CPNE2: variants seen among roughly 807,000 people sequenced by gnomAD.
CPNE2 encodes the protein copine 2.
CPNE2 carries 42 observed loss-of-function variants against 69.7 expected under a neutral mutation model. The ratio of observed to expected loss-of-function variants is 0.60; its 90% CI spans 0.47 to 0.78. CPNE2 has a LOEUF of 0.78. Ranked by LOEUF, CPNE2 falls within the 30% of genes least tolerant of loss-of-function variation. The pLI is 0.00. For synonymous variants in CPNE2, 294 were observed against 289.8 expected, an observed-to-expected ratio of 1.01 and a Z score of -0.15; for missense variants, 587 against 732.0, an observed-to-expected ratio of 0.80 and a Z score of 2.29.
At chr16:57,135,232 C>T (rs768598363) in intron 13 of CPNE2, among the ~76,000 whole-genome samples, 4 of 152,080 alleles carry the variant, frequency 2.6e-5, no homozygotes, top group African/African-American at 9.7e-5. Context: ...CCCACCCGCC[C>T]CCTTGCTGGG....
At chr16:57,110,105 G>A (rs937183578) in intron 1 of CPNE2, among the ~76,000 whole-genome samples, 20 of 152,158 alleles carry the variant, frequency 1.3e-4, no homozygotes, top group Admixed American at 2.0e-4. Context: ...CTCATGTGAC[G>A]GAGCAACACA....
intron 10 of CPNE2, 135 bp from the exon 11 acceptor site, chr16:57,125,725 A>T: frequency 9.2e-7 from 1 of 1,091,188 alleles, no homozygotes; most frequent in Non-Finnish European, 1.3e-6. Context: ...TCTAGGTTTC[A>T]GACCATCTTA....
At position 57,115,476 on chromosome 16, in the gene CPNE2, A is replaced by G. The variant is rs2069712259; in HGVS notation, c.361A>G (p.Ile121Val). 1 of 1,610,872 alleles carries G rather than the reference A, an allele frequency of 6.2e-7. No homozygotes were observed. Among genetic ancestry groups the G allele is most frequent in the Admixed American group, 1.7e-5 (1 of 59,688 alleles). The change falls in exon 4 of 16, where the codon ATC becomes GTC. Residue 121 changes from isoleucine to valine, a missense_variant and splice_region_variant. This residue lies in a region of CPNE2 where 34 missense variants were observed against 67.1 expected (regional missense o/e 0.51). Transcript: ENST00000290776. ...LGQFSCSLGT[I>V]VSSKKITRPL... ...GCGCCCTTTCTCCTCTCTCCCCTAG[A>G]TCGTCTCCAGCAAGAAGATCACTAG...
chr16:57,146,145 C>G lies in CPNE2; in HGVS notation c.1363C>G (p.His455Asp), dbSNP rs760658821. The G allele has an allele frequency of 2.6e-5, 41 of 1,594,166 alleles. No individual in the cohort carries two copies. The highest frequency in any genetic ancestry group is 1.6e-4 in the Middle Eastern group (1 of 6,064). Reference sequence around the variant, plus strand: ...CATCAGTGACATGGAGGAGACACGGCATGCCGTGGTGCAGGCTTCCAAGCT... The same window carrying G: ...CATCAGTGACATGGAGGAGACACGGGATGCCGTGGTGCAGGCTTCCAAGCT... ...GVISDMEETRHAVVQASKLPM... is the reference protein window; with the variant it reads ...GVISDMEETRDAVVQASKLPM... The change falls in exon 15 of 16, where the codon CAT (histidine) becomes GAT (aspartate). Residue 455 changes from histidine (H) to aspartate (D), a missense_variant. By Grantham distance (81) the His-to-Asp change is moderately conservative. Coordinates refer to ENST00000290776, the MANE Select transcript of CPNE2 (RefSeq NM_152727.6). The surrounding 1 kb of genome is among the most constrained non-coding windows in gnomAD (Gnocchi z 4.4).
intron 14 of CPNE2, among the ~76,000 whole-genome samples, chr16:57,140,572 A>G (rs1339535506): frequency 6.9e-6 from 1 of 145,166 alleles, no homozygotes; most frequent in South Asian, 2.2e-4. Flanking sequence ...TGGGAGGGAT[A>G]TTTTTTTTTT....
In CPNE2 at chr16:57,123,418, A is replaced by G; in HGVS notation, c.872A>G (p.Asn291Ser). The G allele has an allele frequency of 6.2e-7, 1 of 1,612,898 alleles. No homozygotes were observed. The highest frequency in any genetic ancestry group is 8.5e-7 in the Non-Finnish European group (1 of 1,180,002). The stretch of plus-strand genomic sequence containing the variant: ...GACTCATCCGCTTTCTTCCAGATAA[A>G]CCGAGACTACTCCTTCCTTGACTAC... The part of the protein sequence containing the change: ...GIIILRSCKI[N>S]RDYSFLDYIL... Residue 291 changes from asparagine to serine, a missense_variant, in exon 10 of 16, where the codon AAC becomes AGC. Physicochemically the swap from Asn to Ser is conservative, Grantham distance 46. Transcript: ENST00000290776.
chr16:57,126,235 A>G (rs1319372847), intron 11 of CPNE2, among the ~76,000 whole-genome samples: 1 of 152,240 alleles, frequency 6.6e-6, no homozygotes, highest in Non-Finnish European at 1.5e-5. Context: ...CCAAGTAGCC[A>G]GTAAGAAAAT....
chr16:57,135,089 G>T (rs775538214), intron 13 of CPNE2, among the ~76,000 whole-genome samples: 11 of 152,158 alleles, frequency 7.2e-5, no homozygotes, highest in Non-Finnish European at 1.5e-4. Flanking sequence ...CCTGCTCCAG[G>T]ATAACTATGA....
At chr16:57,122,135 C>T (rs2069767573) in intron 9 of CPNE2, among the ~76,000 whole-genome samples, 2 of 152,258 alleles carry the variant, frequency 1.3e-5, no homozygotes, top group African/African-American at 4.8e-5. Context: ...TCTCTGGCAT[C>T]AGCGTCACTG....
intron 4 of CPNE2, among the ~76,000 whole-genome samples, chr16:57,116,800 G>A (rs1207556018): frequency 6.6e-6 from 1 of 152,198 alleles, no homozygotes; most frequent in African/African-American, 2.4e-5. Flanking sequence ...TGGGTCCAGA[G>A]GGCCAGATGC....
At chr16:57,095,937 C>T (rs1409743431) in intron 1 of CPNE2, among the ~76,000 whole-genome samples, 1 of 152,236 alleles carries the variant, frequency 6.6e-6, no homozygotes, top group Non-Finnish European at 1.5e-5. Context: ...ACCAGCTTAT[C>T]TGCCTCCCTC....
intron 10 of CPNE2, chr16:57,124,737 G>A (rs182992706): frequency 3.7e-5 from 9 of 242,922 alleles, no homozygotes; most frequent in East Asian, 1.1e-4. Context: ...TTGTCTCACC[G>A]TTCCCCATCA....
chr16:57,096,865 G>A (rs1281103247), intron 1 of CPNE2, among the ~76,000 whole-genome samples: 1 of 152,074 alleles, frequency 6.6e-6, no homozygotes, highest in Non-Finnish European at 1.5e-5. Context: ...ACAAAAGCCT[G>A]CAGGGATACA....
rs538577393 is a variant in CPNE2, at chr16:57,113,536, C to T, written c.360+69C>T. 237 of 1,491,186 alleles carry T rather than the reference C, an allele frequency of 1.6e-4. No homozygotes were observed. In the South Asian group the frequency reaches 2.1e-3, roughly 13 times the overall value. The allele number at this position is 1,491,186 out of a possible 1,614,324, so 92.4% of individuals were successfully genotyped here. On this transcript the variant is annotated intron_variant, in intron 3 of 15. Transcript: ENST00000290776. ...GGCAACCCCTCAAAAAGTCTCTTCT[C>T]GTGCTGTCTTTCCCTAGCCCCATCT...
chr16:57,104,725 G>A (rs1443466591), intron 1 of CPNE2, among the ~76,000 whole-genome samples: 1 of 152,228 alleles, frequency 6.6e-6, no homozygotes. Flanking sequence ...TGTGAAGGAA[G>A]CAGCATGGAG....
At chr16:57,097,947 AG>A (rs2069588536) in intron 1 of CPNE2, among the ~76,000 whole-genome samples, 3 of 152,124 alleles carry the variant, frequency 2.0e-5, no homozygotes. Context: ...CCCAGGAGGG[AG>A]GAGTGGCAGG....
chr16:57,134,595 G>A (rs1487677569), intron 12 of CPNE2, among the ~76,000 whole-genome samples, 180 bp from the exon 13 acceptor site: 1 of 152,084 alleles, frequency 6.6e-6, no homozygotes, highest in Admixed American at 6.5e-5. Flanking sequence ...CTCTCTGTGG[G>A]TCACACCCAG....
At chr16:57,126,427 T>C (rs74600258) in intron 11 of CPNE2, among the ~76,000 whole-genome samples, 4,262 of 150,898 alleles carry the variant, frequency 0.028, 199 homozygotes, top group South Asian at 0.14. Context: ...CTCGCTTCTA[T>C]TGGGAACTTC....
intron 1 of CPNE2, chr16:57,093,865 G>A (rs1050968452): frequency 4.0e-5 from 14 of 349,596 alleles, no homozygotes; most frequent in Non-Finnish European, 6.2e-5. Flanking sequence ...GGCGGTGTGC[G>A]CAGATTGTAA....
Sources: allele counts gnomAD v4.1 joint callset (sites outside exome capture counted in the v4.1 genomes callset), GRCh38; gene constraint gnomAD v4.1.1; regional missense constraint gnomAD v4.1.1; non-coding constraint Gnocchi (gnomAD v3.1); transcripts MANE v1.5; gene names NCBI Gene and HGNC (gene_info 2026-07-23, HGNC 2026-07-21).